Variants in IAH1 observed in about 807,000 individuals in gnomAD.
IAH1 encodes isoamyl acetate hydrolyzing esterase 1 (putative).
A neutral mutation model predicts 26.7 loss-of-function variants in IAH1; 24 were observed. That is an observed-to-expected ratio of 0.90 (90% CI 0.65 to 1.26). The LOEUF (loss-of-function observed/expected upper bound fraction) is 1.26, where lower values mean the gene tolerates loss of function less well. Ranked by LOEUF, IAH1 falls within the 50% of genes most tolerant of loss-of-function variation. The probability of loss-of-function intolerance (pLI) is 0.00; values close to 1 mark genes in which losing one functional copy is unlikely to be tolerated. For missense variants in IAH1, 300 were observed against 299.9 expected (o/e 1.00, Z 0.00); for synonymous variants, 140 against 118.5 (o/e 1.18, Z -1.18).
chr2:9,487,820 G>T (rs1314146949), intron 5 of IAH1, among the ~76,000 whole-genome samples: 1 of 96,374 alleles, frequency 1.0e-5, no homozygotes, highest in Non-Finnish European at 2.4e-5. Context: ...GTGTGTGTGT[G>T]TGTGTGTGTG....
intron 6 of IAH1, among the ~76,000 whole-genome samples, chr2:9,495,207 G>A (rs932159292): frequency 6.6e-6 from 1 of 152,184 alleles, no homozygotes; most frequent in Non-Finnish European, 1.5e-5. Context: ...GTCCACCCTT[G>A]GGTGGGGAGC....
downstream of IAH1, chr2:9,490,108 G>A: frequency 7.4e-7 from 1 of 1,349,460 alleles, no homozygotes; most frequent in Non-Finnish European, 1.0e-6. Flanking sequence ...AATACAAGCT[G>A]TGATTGATTT....
At chr2:9,486,772 T>C (rs1661510453) in intron 5 of IAH1, 1 of 151,494 alleles carries the variant, frequency 6.6e-6, no homozygotes, top group Non-Finnish European at 1.5e-5. Context: ...GAGGTTGAAT[T>C]AGGCCGAGAC....
downstream of IAH1, chr2:9,491,075 A>ATGTT: frequency 6.2e-7 from 1 of 1,604,698 alleles, no homozygotes; most frequent in Non-Finnish European, 8.5e-7. Context: ...GGCGAAGATT[A>ATGTT]TGTTTCTTTC....
exon 6 of IAH1, chr2:9,494,781 C>T: frequency 6.2e-7 from 1 of 1,613,430 alleles, no homozygotes; most frequent in Non-Finnish European, 8.5e-7. Flanking sequence ...GAACAGAGAA[C>T]ACGCATTGAC....
chr2:9,476,004 T>A lies in IAH1; in HGVS notation c.99T>A (p.Gly33=). ...TCCTCCAGTTTTCCTTCCAGCAGGG[T>A]GGATGGGGAGCATCGCTGGCTGACA... ...DSITQFSFQQ[G]GWGASLADRL... Residue 33 remains glycine, a synonymous_variant, in exon 2 of 6, where the codon GGT becomes GGA. Coordinates refer to ENST00000497473, the MANE Select transcript of IAH1 (RefSeq NM_001039613.3). 6.2e-7 allele frequency: 1 copy of A among 1,613,670 alleles called. No homozygotes were observed. The highest frequency in any genetic ancestry group is 8.5e-7 in the Non-Finnish European group (1 of 1,179,900).
At chr2:9,475,310 A>G in intron 1 of IAH1, 1 of 745,766 alleles carries the variant, frequency 1.3e-6, no homozygotes. Flanking sequence ...TGTATACGCC[A>G]GTAACTGGTA....
upstream of IAH1, chr2:9,474,550 C>CCCCGT: frequency 6.9e-7 from 1 of 1,454,558 alleles, no homozygotes; most frequent in Non-Finnish European, 9.0e-7. The surrounding 1 kb of genome is among the most constrained non-coding windows in gnomAD (Gnocchi z 4.3). Flanking sequence ...CCCCGCCCCG[C>CCCCGT]CCCGCCCGGC....
downstream of IAH1, chr2:9,490,303 T>C (rs1662017199): frequency 1.2e-6 from 2 of 1,614,050 alleles, no homozygotes; most frequent in Admixed American, 1.7e-5. Flanking sequence ...TGCTGCTATT[T>C]GGGAAGGGGT....
chr2:9,479,724 G>A (rs561289250), intron 3 of IAH1, among the ~76,000 whole-genome samples: 5 of 149,748 alleles, frequency 3.3e-5, no homozygotes, highest in East Asian at 2.0e-4. Context: ...GACGGCCCAC[G>A]TGTAGAAATT....
chr2:9,497,606 C>G (rs1662708607), downstream of IAH1, among the ~76,000 whole-genome samples: 1 of 152,244 alleles, frequency 6.6e-6, no homozygotes. Context: ...CCTTCCCTAT[C>G]TGGCCCTGAC....
downstream of IAH1, chr2:9,490,627 T>C (rs189903062): frequency 3.4e-5 from 41 of 1,215,998 alleles, no homozygotes; most frequent in African/African-American, 4.3e-4. Context: ...GGCACTGTGA[T>C]GCTAAGAAAA....
the IAH1 span, chr2:9,502,393 G>A: frequency 2.0e-5 from 16 of 787,496 alleles, no homozygotes; most frequent in Middle Eastern, 3.6e-4. Flanking sequence ...TCCTGGCTCC[G>A]TCACCCACTC....
the IAH1 span, among the ~76,000 whole-genome samples, chr2:9,507,813 C>T: frequency 2.6e-5 from 4 of 152,076 alleles, no homozygotes; most frequent in Admixed American, 2.6e-4. Context: ...TTGAACTCCC[C>T]GGGTTCCTCC....
chr2:9,490,118 TG>T, downstream of IAH1: 2 of 1,401,286 alleles, frequency 1.4e-6, no homozygotes, highest in Non-Finnish European at 9.7e-7. Context: ...GTGATTGATT[TG>T]TAGGTCAAAT....
chr2:9,487,811 TGTGTGTGTGTGTGTGTGTGTGTGCGCGC>T (rs1324933628), intron 5 of IAH1, among the ~76,000 whole-genome samples: 66 of 93,530 alleles, frequency 7.1e-4, no homozygotes, highest in Non-Finnish European at 9.9e-4. Flanking sequence ...TGTGTGTGTG[TGTGTGTGTGTGTGTGTGTGTGTGCGCGC>T]GCGCGCGCGC....
chr2:9,484,997 A>G (rs1252546952), intron 5 of IAH1: 2 of 159,134 alleles, frequency 1.3e-5, no homozygotes, highest in African/African-American at 4.8e-5. Context: ...AGCAGGTCCC[A>G]TGGAATGGTG....
chr2:9,505,120 T>C, the IAH1 span: 56 of 1,598,384 alleles, frequency 3.5e-5, no homozygotes, highest in Admixed American at 3.4e-4. Flanking sequence ...ATTTTGGACA[T>C]CTTGTTATAC....
In IAH1 at chr2:9,489,736, A is replaced by G. The variant is rs1202405716; in HGVS notation, c.*1407A>G. On this transcript the variant is annotated 3_prime_UTR_variant, in exon 6 of 6. Transcript: ENST00000497473. Reference sequence around the variant, plus strand: ...TTTTTAGTTGAAGGCAAAAAAAAAAAAAAAAAAAAAAAACTATTCCAGTTG... The same window carrying G: ...TTTTTAGTTGAAGGCAAAAAAAAAAGAAAAAAAAAAAAACTATTCCAGTTG... 2.6e-5 allele frequency: 4 copies of G among 151,968 alleles called. No homozygotes were observed. Among genetic ancestry groups the G allele is most frequent in the East Asian group, 1.9e-4 (1 of 5,182 alleles). The allele number at this position is 151,968 out of a possible 1,614,324, so 9.4% of individuals were successfully genotyped here.
Sources: allele counts gnomAD v4.1 joint callset (sites outside exome capture counted in the v4.1 genomes callset), GRCh38; gene constraint gnomAD v4.1.1; non-coding constraint Gnocchi (gnomAD v3.1); transcripts MANE v1.5; gene names NCBI Gene and HGNC (gene_info 2026-07-23, HGNC 2026-07-21).